The following PKIA variants were observed in gnomAD, a reference collection of about 807,000 sequenced individuals.
The protein encoded by PKIA is cAMP-dependent protein kinase inhibitor alpha, also known as PKI-alpha.
PKIA carries 4 observed loss-of-function variants against 7.6 expected under a neutral mutation model. The ratio of observed to expected loss-of-function variants is 0.52; its 90% CI spans 0.26 to 1.20. The LOEUF (loss-of-function observed/expected upper bound fraction) is 1.20. Among genes scored for constraint, PKIA ranks in the 50% most tolerant of loss-of-function variants. The pLI is 0.13. For missense variants in PKIA, 73 were observed against 86.2 expected (o/e 0.85, Z 0.61); for synonymous variants, 21 against 30.7 (o/e 0.68, Z 1.04).
chr8:78,565,169 CTT>C (rs1807373046), intron 1 of PKIA, among the ~76,000 whole-genome samples: 2 of 151,156 alleles, frequency 1.3e-5, no homozygotes, highest in African/African-American at 4.9e-5. Context: ...AGAAATGTCA[CTT>C]ATAATTGTTT....
At chr8:78,550,493 C>T (rs1344441947) in intron 1 of PKIA, among the ~76,000 whole-genome samples, 2 of 152,004 alleles carry the variant, frequency 1.3e-5, no homozygotes, top group East Asian at 3.9e-4. Context: ...AGAAACCTGC[C>T]GGCAGTTCAT....
At chr8:78,524,977 C>T (rs1264888704) in intron 1 of PKIA, among the ~76,000 whole-genome samples, 1 of 151,852 alleles carries the variant, frequency 6.6e-6, no homozygotes, top group Non-Finnish European at 1.5e-5. Flanking sequence ...TCTACACAAG[C>T]TCATTGTGAT....
rs539261902 is a variant in PKIA at position 78,594,973 on chromosome 8, A to G, written c.-27-3385A>G. ...TGGAATCCTTCCCAAAGAGAACAGC[A>G]TAAGGAAGAGTCAACTAGAGGTGAA... On this transcript the variant is annotated intron_variant, in intron 2 of 3. Transcript: ENST00000396418. Among the ~76,000 whole-genome samples, 12 of 152,338 alleles carry G rather than the reference A, an allele frequency of 7.9e-5. No individual in the cohort carries two copies. The South Asian group carries it at 2.5e-3, about 32-fold the overall frequency.
At chr8:78,551,168 G>T (rs1341393888) in intron 1 of PKIA, among the ~76,000 whole-genome samples, 1 of 151,990 alleles carries the variant, frequency 6.6e-6, no homozygotes, top group African/African-American at 2.4e-5. Context: ...TAAGAGTGTG[G>T]ATATTACAAA....
At chr8:78,551,382 A>G (rs1027864464) in intron 1 of PKIA, among the ~76,000 whole-genome samples, 3 of 152,036 alleles carry the variant, frequency 2.0e-5, no homozygotes, top group Non-Finnish European at 4.4e-5. Flanking sequence ...CGTCTGGAAG[A>G]AAAGTATTAC....
chr8:78,598,595 G>C, intron 3 of PKIA, 60 bp downstream of exon 3: 1 of 1,381,402 alleles, frequency 7.2e-7, no homozygotes, highest in African/African-American at 1.4e-5. Context: ...ATTTTACTAA[G>C]AGGGATTAAG....
intron 1 of PKIA, among the ~76,000 whole-genome samples, chr8:78,565,767 C>T (rs546273038): frequency 5.7e-4 from 87 of 151,946 alleles, no homozygotes; most frequent in African/African-American, 1.5e-3. Context: ...CAGGCACTCA[C>T]GGCATTGTTA....
At chr8:78,523,016 T>G (rs1809446307) in intron 1 of PKIA, among the ~76,000 whole-genome samples, 1 of 151,864 alleles carries the variant, frequency 6.6e-6, no homozygotes, top group African/African-American at 2.4e-5. Context: ...CTTTTAACCA[T>G]CCTCCTCAGC....
At chr8:78,520,563 A>G (rs1488463044) in intron 1 of PKIA, among the ~76,000 whole-genome samples, 2 of 152,180 alleles carry the variant, frequency 1.3e-5, no homozygotes, top group African/African-American at 2.4e-5. Context: ...GATTTTTTCC[A>G]TATTACCACC....
chr8:78,558,879 T>G (rs1187590660), intron 1 of PKIA, among the ~76,000 whole-genome samples: 1 of 152,174 alleles, frequency 6.6e-6, no homozygotes, highest in African/African-American at 2.4e-5. Flanking sequence ...TGGATATTCA[T>G]ATTATGTTAG....
chr8:78,584,025 T>C (rs1807885303), intron 2 of PKIA, among the ~76,000 whole-genome samples: 1 of 152,154 alleles, frequency 6.6e-6, no homozygotes, highest in African/African-American at 2.4e-5. Context: ...AGGATTTCTA[T>C]AAGACTTTTA....
In PKIA at chr8:78,601,778, A is replaced by C. The variant is rs780481331; in HGVS notation, c.188A>C (p.Gln63Pro). 3 of 1,612,566 alleles carry C rather than the reference A, an allele frequency of 1.9e-6. No homozygotes were observed. Among genetic ancestry groups the C allele is most frequent in the Non-Finnish European group, 1.7e-6 (2 of 1,179,034 alleles). ...GATGCACAACGAAGTTCTACAGAAC[A>C]AAGTGGGGAAGCCCAGGGAGAAGCA... ...EEDAQRSSTE[Q>P]SGEAQGEAAK... is the part of the protein sequence containing the mutation. The change falls in exon 4 of 4, where the codon CAA becomes CCA. Residue 63 changes from glutamine to proline, a missense_variant. Gln to Pro is a moderately conservative substitution (Grantham distance 76). Transcript: ENST00000396418.
intron 1 of PKIA, among the ~76,000 whole-genome samples, chr8:78,561,340 C>T (rs1585900127): frequency 1.3e-5 from 2 of 152,046 alleles, no homozygotes; most frequent in Admixed American, 1.3e-4. Context: ...TTTCTGATAT[C>T]GTGACACAGA....
intron 1 of PKIA, among the ~76,000 whole-genome samples, chr8:78,540,242 C>T (rs902630453): frequency 6.6e-6 from 1 of 151,868 alleles, no homozygotes; most frequent in Non-Finnish European, 1.5e-5. Context: ...TCCACTGCCC[C>T]CCTGCTACCC....
chr8:78,601,840 G>T lies in PKIA; in HGVS notation c.*19G>T, dbSNP rs774043064. Reference sequence around the variant, plus strand: ...AAGCTAACACCCCACTTTGACCCTCGACCACACCTGAAAATGTCTCAAATC... The same window carrying T: ...AAGCTAACACCCCACTTTGACCCTCTACCACACCTGAAAATGTCTCAAATC... On this transcript the variant is annotated 3_prime_UTR_variant, in exon 4 of 4. Transcript: ENST00000396418. 1.2e-5 allele frequency: 19 copies of T among 1,560,744 alleles called. No individual in the cohort carries two copies. Among genetic ancestry groups the T allele is most frequent in the Non-Finnish European group, 1.6e-5 (18 of 1,133,016 alleles).
chr8:78,564,912 A>G (rs1471594257), intron 1 of PKIA, among the ~76,000 whole-genome samples: 5 of 151,920 alleles, frequency 3.3e-5, no homozygotes, highest in Non-Finnish European at 5.9e-5. Flanking sequence ...TAAAAATCAA[A>G]CAAAAATAAA....
intron 1 of PKIA, among the ~76,000 whole-genome samples, chr8:78,566,427 C>T (rs1427454478): frequency 6.6e-6 from 1 of 151,934 alleles, no homozygotes; most frequent in Non-Finnish European, 1.5e-5. Context: ...AGCTACAAAG[C>T]TATATGTTCT....
chr8:78,582,813 C>T (rs890233617), intron 2 of PKIA, among the ~76,000 whole-genome samples: 19 of 152,088 alleles, frequency 1.2e-4, no homozygotes, highest in African/African-American at 4.6e-4. Flanking sequence ...AACATGTTTA[C>T]CCTGTAAGAG....
intron 3 of PKIA, among the ~76,000 whole-genome samples, chr8:78,599,249 C>A (rs1426828299): frequency 6.6e-6 from 1 of 151,984 alleles, no homozygotes; most frequent in Non-Finnish European, 1.5e-5. Flanking sequence ...TTGCAGATAT[C>A]AAAGCTGAAT....
Sources: allele counts gnomAD v4.1 joint callset (sites outside exome capture counted in the v4.1 genomes callset), GRCh38; gene constraint gnomAD v4.1.1; transcripts MANE v1.5; gene names NCBI Gene and HGNC (gene_info 2026-07-23, HGNC 2026-07-21).